GBGT1: variants seen among roughly 807,000 people sequenced by gnomAD.
GBGT1 encodes the protein globoside alpha-1,3-N-acetylgalactosaminyltransferase 1 (FORS blood group).
In GBGT1, 18 loss-of-function variants were observed where a neutral mutation model predicts 20.9. The ratio of observed to expected loss-of-function variants is 0.86; its 90% CI spans 0.60 to 1.28. The LOEUF (loss-of-function observed/expected upper bound fraction) is 1.28. Among genes scored for constraint, GBGT1 ranks in the 50% most tolerant of loss-of-function variants. The pLI, the probability that GBGT1 is intolerant of heterozygous loss-of-function variation, is 0.00. For missense variants in GBGT1, 432 were observed against 455.7 expected (o/e 0.95, Z 0.47); for synonymous variants, 168 against 180.8 (o/e 0.93, Z 0.57).
At chr9:133,163,477 G>C (rs552160304) in intron 1 of GBGT1, 106 of 152,490 alleles carry the variant, frequency 7.0e-4, no homozygotes, top group African/African-American at 2.4e-3. Flanking sequence ...GGATTAGGCC[G>C]CTGCCACTCG....
intron 3 of GBGT1, 144 bp downstream of exon 3, chr9:133,161,323 T>G (rs1057017624): frequency 3.4e-5 from 19 of 563,762 alleles, no homozygotes; most frequent in African/African-American, 3.2e-4. Flanking sequence ...AGCCCTTAAA[T>G]TACATAAATA....
rs202004832 is a variant in GBGT1, at chr9:133,153,620, C to T, written c.1001G>A (p.Arg334His). 189 of 1,589,662 alleles carry T rather than the reference C, an allele frequency of 1.2e-4. 1 individual carries two copies. The highest frequency in any genetic ancestry group is 5.2e-4 in the East Asian group (23 of 44,592). The part of the protein sequence containing the change: ...KPQPPSLKLI[R>H]FSTLDKDISC... ...GATATCCTTGTCCAGTGTAGAAAAG[C>T]GGATCAGCTTCAGGCTGGGTGGCTG... is the stretch of plus-strand genomic sequence containing the variant. Residue 334 changes from arginine (R) to histidine (H), a missense_variant, in exon 7 of 7, where the codon CGC becomes CAC. By Grantham distance (29) the Arg-to-His change is conservative. Transcript: ENST00000372040.
chr9:133,154,270 G>A lies in GBGT1; in HGVS notation c.360-9C>T. The A allele has an allele frequency of 6.7e-7, 1 of 1,490,946 alleles. No homozygotes were observed. Among genetic ancestry groups the A allele is most frequent in the Non-Finnish European group, 9.0e-7 (1 of 1,110,252 alleles). The allele number at this position is 1,490,946 out of a possible 1,614,324, so 92.4% of individuals were successfully genotyped here. A position where few individuals can be genotyped will look rare whatever the true frequency, so the allele number is the denominator to read the frequency against. On this transcript the variant is annotated splice_polypyrimidine_tract_variant and intron_variant, in intron 6 of 6. Transcript: ENST00000372040. This position sits in a 1 kb window ranked among gnomAD's most constrained non-coding sequence, Gnocchi z 4.2. ...GGATGAAATGAGTGTACCTAGTGAT[G>A]ATCACCCGGTCACCCACTGCTACAC...
chr9:133,161,095 G>T, intron 3 of GBGT1: 2 of 396,728 alleles, frequency 5.0e-6, no homozygotes. Context: ...ACACAAAATT[G>T]AGCAACAAGG....
chr9:133,160,200 A>C (rs1588590239), intron 3 of GBGT1: 1 of 316,820 alleles, frequency 3.2e-6, no homozygotes. Flanking sequence ...AATTGCTTGA[A>C]CCCGGGAGGT....
At position 133,153,924 on chromosome 9, in the gene GBGT1, C is replaced by T. The variant is rs199834711; in HGVS notation, c.697G>A (p.Ala233Thr). 107 of 1,609,268 alleles carry T rather than the reference C, an allele frequency of 6.6e-5. No homozygotes were observed. The highest frequency in any genetic ancestry group is 3.1e-4 in the African/African-American group (23 of 74,982). ...LVAAIHPSYY[A>T]VPRQQFPYER... ...TAGGGGAACTGCTGGCGGGGAACGG[C>T]GTAGTAGCTTGGGTGAATGGCAGCC... The change falls in exon 7 of 7, where the codon GCC (alanine) becomes ACC (threonine). Residue 233 changes from alanine to threonine, a missense_variant. Transcript: ENST00000372040.
intron 3 of GBGT1, chr9:133,160,065 G>A (rs1273254070): frequency 9.9e-6 from 2 of 202,438 alleles, no homozygotes; most frequent in Non-Finnish European, 2.3e-5. Flanking sequence ...CGATGAGGGG[G>A]CGAAGCCTGG....
In GBGT1 at chr9:133,161,502, G is replaced by A. The variant is rs750162600; in HGVS notation, c.102C>T (p.Ser34=). The A allele has an allele frequency of 8.1e-6, 13 of 1,611,312 alleles. No homozygotes were observed. Among genetic ancestry groups the A allele is most frequent in the Non-Finnish European group, 1.1e-5 (13 of 1,178,460 alleles). Residue 34 remains serine (S), a synonymous_variant, in exon 3 of 7, where the codon TCC becomes TCT. Transcript: ENST00000372040. ...WVYLENWLPV[S]YVPYYLPCPE... ...GGCAGGGGAGATAATAGGGGACATAGGAGACTGGCAGCCAGTTCTCAAGAT... is the reference window on the plus strand; with the variant it reads ...GGCAGGGGAGATAATAGGGGACATAAGAGACTGGCAGCCAGTTCTCAAGAT...
At chr9:133,155,430 C>G (rs1242880474) in intron 5 of GBGT1, 118 bp from the exon 6 acceptor site, 2 of 1,205,186 alleles carry the variant, frequency 1.7e-6, no homozygotes, top group Non-Finnish European at 2.3e-6. Context: ...CTCTGGGCCT[C>G]CCTTTCCTCA....
In GBGT1 at chr9:133,153,562, C is replaced by T. The variant is rs1290298070; in HGVS notation, c.*15G>A. 2 of 1,513,194 alleles carry T rather than the reference C, an allele frequency of 1.3e-6. No homozygotes were observed. The highest frequency in any genetic ancestry group is 1.3e-5 in the South Asian group (1 of 75,448). The allele number at this position is 1,513,194 out of a possible 1,614,324, so 93.7% of individuals were successfully genotyped here. A position where few individuals can be genotyped will look rare whatever the true frequency, so the allele number is the denominator to read the frequency against. On this transcript the variant is annotated 3_prime_UTR_variant, in exon 7 of 7. Coordinates refer to ENST00000372040, the MANE Select transcript of GBGT1 (RefSeq NM_021996.6). ...GTCTTTGGGTCCCCATCCATGGCAACCCCCAGCTCCGTGGTCAGCTCCTCA... is the reference window on the plus strand; with the variant it reads ...GTCTTTGGGTCCCCATCCATGGCAATCCCCAGCTCCGTGGTCAGCTCCTCA...
intron 3 of GBGT1, 39 bp downstream of exon 3, chr9:133,161,428 C>G (rs748220038): frequency 7.2e-7 from 1 of 1,394,404 alleles, no homozygotes; most frequent in Non-Finnish European, 1.0e-6. Flanking sequence ...GTGAGCAGCC[C>G]TCAGGGCCCC....
At position 133,153,816 on chromosome 9, in the gene GBGT1, CCTGCCCCCCGAAGA is replaced by C. The variant is rs781457739; in HGVS notation, c.791_804del (p.Val264GlyfsTer6). 1.3e-6 allele frequency: 2 copies of C among 1,587,536 alleles called. No individual in the cohort carries two copies. Among genetic ancestry groups the C allele is most frequent in the Non-Finnish European group, 1.7e-6 (2 of 1,164,014 alleles). The stretch of plus-strand genomic sequence containing the variant: ...CTAGTAAACTCATATACCCTGGCCA[CCTGCCCCCCGAAGA>C]CTGCCCCACCATAATAGAAGTCCCC... On this transcript the variant is annotated frameshift_variant, in exon 7 of 7. Coordinates refer to ENST00000372040, the MANE Select transcript of GBGT1 (RefSeq NM_021996.6). LOFTEE classifies it low-confidence loss of function (END_TRUNC).
chr9:133,153,659 T>C lies in GBGT1; in HGVS notation c.962A>G (p.Asp321Gly). 6.2e-7 allele frequency: 1 copy of C among 1,612,444 alleles called. No individual in the cohort carries two copies. The highest frequency in any genetic ancestry group is 2.2e-5 in the East Asian group (1 of 44,850). The part of the protein sequence containing the change: ...SKVLSPEYLW[D>G]DRKPQPPSLK... ...GCTGGGTGGCTGGGGCTTCCTGTCGTCCCAGAGGTACTCGGGGGACAGCAC... is the reference window on the plus strand; with the variant it reads ...GCTGGGTGGCTGGGGCTTCCTGTCGCCCCAGAGGTACTCGGGGGACAGCAC... Residue 321 changes from aspartate (D) to glycine (G), a missense_variant, in exon 7 of 7, where the codon GAC (aspartate) becomes GGC (glycine). Asp to Gly is a moderately conservative substitution (Grantham distance 94). Coordinates refer to ENST00000372040, the MANE Select transcript of GBGT1 (RefSeq NM_021996.6).
Position 133,154,019 on chromosome 9 carries a change from T to C in GBGT1, c.602A>G (p.Tyr201Cys), listed in dbSNP as rs772263720. ...CATGTCCACATCAAGGCAGAAGAGG[T>C]AGTCCACCTCCCGGTGAGCCCTCTT... ...IAKRAHREVD[Y>C]LFCLDVDMVF... is the part of the protein sequence containing the mutation. Residue 201 changes from tyrosine (Y) to cysteine (C), a missense_variant, in exon 7 of 7, where the codon TAC becomes TGC. By Grantham distance (194) the Tyr-to-Cys change is radical. Transcript: ENST00000372040. This position sits in a 1 kb window ranked among gnomAD's most constrained non-coding sequence, Gnocchi z 4.2. The C allele has an allele frequency of 2.5e-6, 4 of 1,613,628 alleles. No individual in the cohort carries two copies. Among genetic ancestry groups the C allele is most frequent in the East Asian group, 2.2e-5 (1 of 44,884 alleles).
At chr9:133,155,847 A>C in intron 5 of GBGT1, 54 bp downstream of exon 5, 3 of 1,580,176 alleles carry the variant, frequency 1.9e-6, no homozygotes, top group South Asian at 2.2e-5. Flanking sequence ...CTTATAAATC[A>C]GAGCTCTTTT....
Position 133,153,711 on chromosome 9 carries a change from GAC to G in GBGT1, c.908_909del (p.Arg303ProfsTer93). 1.2e-6 allele frequency: 2 copies of G among 1,613,868 alleles called. No individual in the cohort carries two copies. The highest frequency in any genetic ancestry group is 2.2e-5 in the South Asian group (2 of 91,054). On this transcript the variant is annotated frameshift_variant, in exon 7 of 7. Coordinates refer to ENST00000372040, the MANE Select transcript of GBGT1 (RefSeq NM_021996.6). LOFTEE classifies it high-confidence loss of function. ...AAWREESHLN[R>X]HFISNKPSKV... The stretch of plus-strand genomic sequence containing the variant: ...TTGGACGGCTTGTTTGAGATGAAGT[GAC>G]GGTTCAGGTGGCTTTCCTCCCGCCA...
chr9:133,161,458 C>T lies in GBGT1; in HGVS notation c.137+9G>A. 1.9e-6 allele frequency: 3 copies of T among 1,597,540 alleles called. No homozygotes were observed. Among genetic ancestry groups the T allele is most frequent in the Non-Finnish European group, 2.6e-6 (3 of 1,167,464 alleles). ...GGCCCCCAGTTCTCCTAGCCACACC[C>T]ATACTTACAAGATCTCTGGGCAGGG... is the stretch of plus-strand genomic sequence containing the variant. On this transcript the variant is annotated intron_variant, in intron 3 of 6. Transcript: ENST00000372040.
chr9:133,157,106 A>C (rs2119310480), intron 3 of GBGT1, among the ~76,000 whole-genome samples: 2 of 152,228 alleles, frequency 1.3e-5, no homozygotes, highest in South Asian at 4.1e-4. Flanking sequence ...CAACATGGCA[A>C]GACCTCATCT....
chr9:133,158,101 C>T (rs958704056), intron 3 of GBGT1, among the ~76,000 whole-genome samples: 5 of 151,936 alleles, frequency 3.3e-5, no homozygotes, highest in Admixed American at 6.6e-5. Flanking sequence ...GCCGAGATCC[C>T]GCCACTGCAC....
Sources: allele counts gnomAD v4.1 joint callset (sites outside exome capture counted in the v4.1 genomes callset), GRCh38; gene constraint gnomAD v4.1.1; non-coding constraint Gnocchi (gnomAD v3.1); transcripts MANE v1.5; gene names NCBI Gene and HGNC (gene_info 2026-07-23, HGNC 2026-07-21).